The following KPNA3 variants were observed in gnomAD, a reference collection of about 807,000 sequenced individuals.
The protein encoded by KPNA3 is importin subunit alpha-4.
Under a neutral mutation model 73.8 loss-of-function variants are expected in KPNA3, and 13 were observed. The observed-to-expected ratio is 0.18, with a 90% confidence interval of 0.11 to 0.28. The LOEUF (loss-of-function observed/expected upper bound fraction) is 0.28. KPNA3 is among the 10% of genes least tolerant of loss of function. The probability of loss-of-function intolerance (pLI) is 1.00; values close to 1 mark genes in which losing one functional copy is unlikely to be tolerated. For missense variants in KPNA3, 360 were observed against 618.1 expected (o/e 0.58, Z 4.43); for synonymous variants, 186 against 206.9 (o/e 0.90, Z 0.87).
chr13:49,748,659 G>A (rs1954638117), intron 1 of KPNA3, among the ~76,000 whole-genome samples: 1 of 151,868 alleles, frequency 6.6e-6, no homozygotes, highest in Non-Finnish European at 1.5e-5. Flanking sequence ...CTTAAATACA[G>A]ATATATATTA....
At chr13:49,703,183 C>CTTTTTTTTTTT (rs35282756) in intron 15 of KPNA3, among the ~76,000 whole-genome samples, 2 of 109,196 alleles carry the variant, frequency 1.8e-5, no homozygotes, top group African/African-American at 7.1e-5. Context: ...TTCTTTCTTT[C>CTTTTTTTTTTT]TTTTTTTTTT....
At chr13:49,762,882 A>T (rs541483065) in intron 1 of KPNA3, among the ~76,000 whole-genome samples, 10 of 150,124 alleles carry the variant, frequency 6.7e-5, no homozygotes, top group African/African-American at 1.5e-4. Context: ...AAATTAAATT[A>T]AAAAAATAAA....
At chr13:49,752,534 TG>T (rs1377428867) in intron 1 of KPNA3, among the ~76,000 whole-genome samples, 1 of 151,490 alleles carries the variant, frequency 6.6e-6, no homozygotes, top group Non-Finnish European at 1.5e-5. Flanking sequence ...TGATAGAAAA[TG>T]TGAAATAACA....
At chr13:49,779,601 G>A (rs1457475501) in intron 1 of KPNA3, among the ~76,000 whole-genome samples, 1 of 152,034 alleles carries the variant, frequency 6.6e-6, no homozygotes, top group East Asian at 1.9e-4. Flanking sequence ...TTTTGCTCTG[G>A]CTTCTTCAGT....
At chr13:49,713,085 G>T (rs1273391856) in intron 10 of KPNA3, among the ~76,000 whole-genome samples, 1 of 151,888 alleles carries the variant, frequency 6.6e-6, no homozygotes, top group East Asian at 1.9e-4. Flanking sequence ...AAAAATAAAG[G>T]GATGAGCAAA....
intron 2 of KPNA3, among the ~76,000 whole-genome samples, chr13:49,733,904 C>G (rs1411876898): frequency 6.6e-6 from 1 of 152,132 alleles, no homozygotes; most frequent in African/African-American, 2.4e-5. Context: ...GTCAGCTGAC[C>G]AGAGACAGTA....
intron 7 of KPNA3, among the ~76,000 whole-genome samples, chr13:49,723,687 T>C (rs777223928): frequency 5.9e-4 from 90 of 151,584 alleles, no homozygotes; most frequent in African/African-American, 2.7e-4. Context: ...CTGGCCAACA[T>C]AGTGAAACCC....
chr13:49,769,435 T>C (rs1348781707), intron 1 of KPNA3, among the ~76,000 whole-genome samples: 1 of 152,196 alleles, frequency 6.6e-6, no homozygotes, highest in African/African-American at 2.4e-5. Context: ...TTAGCATTTG[T>C]TCCCCATGCT....
intron 1 of KPNA3, among the ~76,000 whole-genome samples, chr13:49,772,990 G>T (rs535403489): frequency 1.3e-5 from 2 of 151,988 alleles, no homozygotes; most frequent in East Asian, 3.9e-4. Context: ...AATGGCCAAC[G>T]GTAGGTAAAT....
chr13:49,706,447 T>A, intron 12 of KPNA3, 75 bp from the exon 13 acceptor site: 1 of 999,136 alleles, frequency 1.0e-6, no homozygotes. Context: ...ATATTTTATA[T>A]AGACAATAAC....
intron 10 of KPNA3, among the ~76,000 whole-genome samples, chr13:49,715,470 T>C (rs1445565979): frequency 6.6e-6 from 1 of 152,124 alleles, no homozygotes; most frequent in Non-Finnish European, 1.5e-5. Context: ...TTCTCACCTA[T>C]CAGATGAGCA....
intron 2 of KPNA3, among the ~76,000 whole-genome samples, chr13:49,745,360 TA>T (rs1954607174): frequency 6.9e-6 from 1 of 144,036 alleles, no homozygotes; most frequent in Admixed American, 7.0e-5. Flanking sequence ...TTCAAGACGG[TA>T]ATTTTTTTTT....
At chr13:49,748,421 C>T (rs1324867136) in intron 1 of KPNA3, among the ~76,000 whole-genome samples, 2 of 151,980 alleles carry the variant, frequency 1.3e-5, no homozygotes, top group Non-Finnish European at 2.9e-5. Context: ...TCTTTTATTA[C>T]ACATATAAGC....
Position 49,733,358 on chromosome 13 carries a change from G to A in KPNA3, c.115-312C>T, listed in dbSNP as rs193210076. ...TCTGGAGTGCAGTGGCACAATCTCA[G>A]CTCACTTCCAACCTCTGCTTCCTGG... On this transcript the variant is annotated intron_variant, in intron 2 of 16. Transcript: ENST00000261667. Among the ~76,000 whole-genome samples the A allele has an allele frequency of 2.1e-3, 281 of 136,774 alleles. 1 individual carries two copies. Among genetic ancestry groups the A allele is most frequent in the African/African-American group, 7.4e-3 (273 of 36,880 alleles). 89.7% of individuals were successfully genotyped at this position (136,774 alleles called of 152,430 possible). A position where few individuals can be genotyped will look rare whatever the true frequency, so the allele number is the denominator to read the frequency against.
chr13:49,766,574 A>G (rs1954809450), intron 1 of KPNA3, among the ~76,000 whole-genome samples: 1 of 152,212 alleles, frequency 6.6e-6, no homozygotes. Context: ...AATAACTTAG[A>G]ATCTAAATAG....
At chr13:49,716,910 T>A (rs1003285731) in intron 10 of KPNA3, among the ~76,000 whole-genome samples, 2 of 152,116 alleles carry the variant, frequency 1.3e-5, no homozygotes, top group African/African-American at 4.8e-5. Context: ...TACTGACGAA[T>A]CCAAAATCTG....
At chr13:49,719,254 A>T (rs1179463941) in intron 10 of KPNA3, among the ~76,000 whole-genome samples, 1 of 152,174 alleles carries the variant, frequency 6.6e-6, no homozygotes, top group East Asian at 1.9e-4. Flanking sequence ...ATATCTAAAA[A>T]GACTGTAGCA....
chr13:49,706,007 G>T, intron 14 of KPNA3, 91 bp downstream of exon 14: 1 of 1,218,114 alleles, frequency 8.2e-7, no homozygotes, highest in South Asian at 1.4e-5. Context: ...TCCCCAAAAA[G>T]AACACAATAC....
intron 6 of KPNA3, among the ~76,000 whole-genome samples, chr13:49,729,415 G>A (rs1035776743): frequency 6.6e-6 from 1 of 152,044 alleles, no homozygotes; most frequent in African/African-American, 2.4e-5. Context: ...TAAAGCCAAA[G>A]AAAGTCTTTC....
Sources: gnomAD v4.1 joint callset for allele counts (sites outside exome capture counted in the v4.1 genomes callset) on GRCh38, gnomAD v4.1.1 for gene constraint, MANE v1.5 for transcripts, NCBI Gene and HGNC (gene_info 2026-07-23, HGNC 2026-07-21) for gene names.